KPNA7: variants seen among roughly 807,000 people sequenced by gnomAD.
KPNA7 encodes the protein karyopherin subunit alpha 7, also known as importin subunit alpha-8.
A neutral mutation model predicts 53.7 loss-of-function variants in KPNA7; 54 were observed. The ratio of observed to expected loss-of-function variants is 1.01; its 90% confidence interval spans 0.81 to 1.26. The LOEUF (loss-of-function observed/expected upper bound fraction) is 1.26. Ranked by LOEUF, KPNA7 falls within the 50% of genes most tolerant of loss-of-function variation. KPNA7 has a pLI of 0.00. For missense variants in KPNA7, 640 were observed against 644.5 expected (o/e 0.99, Z 0.07); for synonymous variants, 276 against 259.3 (o/e 1.06, Z -0.62).
In KPNA7 at chr7:99,178,113, G is replaced by C. The variant is rs80171539; in HGVS notation, c.1318-47C>G. 5.7e-3 allele frequency: 8,774 copies of C among 1,528,848 alleles called. 413 individuals are homozygous for C. The African/African-American group carries it at 0.1, about 18-fold the overall frequency. The allele number at this position is 1,528,848 out of a possible 1,614,324, so 94.7% of individuals were successfully genotyped here. A position where few individuals can be genotyped will look rare whatever the true frequency, so the allele number is the denominator to read the frequency against. On this transcript the variant is annotated intron_variant, in intron 9 of 10. Coordinates refer to ENST00000327442, the MANE Select transcript of KPNA7 (RefSeq NM_001145715.3). ...CATGAGACCCCCGGCAGGAGCCTTTGGGGGATAGGGACTCTGTCAGCCCTC... is the reference window on the plus strand; with the variant it reads ...CATGAGACCCCCGGCAGGAGCCTTTCGGGGATAGGGACTCTGTCAGCCCTC...
At chr7:99,157,510 C>T in the KPNA7 span, among the ~76,000 whole-genome samples, 5 of 152,100 alleles carry the variant, frequency 3.3e-5, no homozygotes, top group African/African-American at 4.8e-5. Flanking sequence ...CGCCCAGCCC[C>T]GATTTTCTTC....
chr7:99,214,953 T>C (rs1229067423), intron 1 of KPNA7, among the ~76,000 whole-genome samples: 1 of 152,092 alleles, frequency 6.6e-6, no homozygotes, highest in Non-Finnish European at 1.5e-5. Context: ...AGACTGAGCA[T>C]GCATGAGGAA....
chr7:99,195,370 G>GA, intron 4 of KPNA7, 32 bp from the exon 5 acceptor site: 1 of 1,542,414 alleles, frequency 6.5e-7, no homozygotes, highest in East Asian at 2.5e-5. Flanking sequence ...AGGGGAGGGG[G>GA]AGGTCAAGTG....
chr7:99,199,945 C>G (rs975880591), intron 3 of KPNA7, among the ~76,000 whole-genome samples: 1 of 151,984 alleles, frequency 6.6e-6, no homozygotes, highest in African/African-American at 2.4e-5. Context: ...TGGGGGGACA[C>G]AGTCTCGCTC....
chr7:99,195,518 G>A (rs1790185665), intron 4 of KPNA7, among the ~76,000 whole-genome samples, 180 bp from the exon 5 acceptor site: 1 of 152,112 alleles, frequency 6.6e-6, no homozygotes, highest in African/African-American at 2.4e-5. Context: ...CCAACATGGT[G>A]AAACCCCGTC....
the KPNA7 span, among the ~76,000 whole-genome samples, chr7:99,160,620 A>G: frequency 6.6e-6 from 1 of 152,134 alleles, no homozygotes; most frequent in Non-Finnish European, 1.5e-5. Context: ...TTCCAGTTAT[A>G]GTATTTGTCA....
chr7:99,187,489 A>G (rs2150731088), intron 7 of KPNA7, among the ~76,000 whole-genome samples: 1 of 150,066 alleles, frequency 6.7e-6, no homozygotes, highest in Non-Finnish European at 1.5e-5. Context: ...TCTGGGCTCA[A>G]TAAATTCTCC....
intron 10 of KPNA7, among the ~76,000 whole-genome samples, chr7:99,176,432 T>C (rs891778478): frequency 6.6e-6 from 1 of 151,982 alleles, no homozygotes; most frequent in African/African-American, 2.4e-5. Context: ...ATAACAAGTG[T>C]CGGCAAGGGT....
intron 6 of KPNA7, among the ~76,000 whole-genome samples, chr7:99,191,355 C>T (rs760611875): frequency 1.3e-5 from 2 of 152,064 alleles, no homozygotes; most frequent in East Asian, 1.9e-4. Context: ...GGGGTTTCAC[C>T]GTGTTGGCCA....
At chr7:99,217,448 G>C (rs1361992465) in intron 1 of KPNA7, among the ~76,000 whole-genome samples, 1 of 152,042 alleles carries the variant, frequency 6.6e-6, no homozygotes, top group Non-Finnish European at 1.5e-5. Context: ...TATCTGCCAG[G>C]AAGGAGGGGT....
chr7:99,176,755 T>G (rs1314317050), intron 10 of KPNA7, among the ~76,000 whole-genome samples: 5 of 152,150 alleles, frequency 3.3e-5, no homozygotes, highest in African/African-American at 1.2e-4. Flanking sequence ...GGTGCATGCC[T>G]GTAGTCCCAG....
intron 3 of KPNA7, among the ~76,000 whole-genome samples, chr7:99,201,195 G>A (rs548751969): frequency 1.3e-5 from 2 of 152,110 alleles, no homozygotes; most frequent in African/African-American, 4.8e-5. Context: ...AGACGGTGGG[G>A]GATGAGGAAT....
intron 9 of KPNA7, among the ~76,000 whole-genome samples, chr7:99,181,435 G>A (rs1015618831): frequency 2.0e-5 from 3 of 152,228 alleles, no homozygotes; most frequent in Non-Finnish European, 4.4e-5. Context: ...CTGGCACATA[G>A]ACATTTGTTT....
chr7:99,174,669 GT>G (rs1184224251), intron 10 of KPNA7, among the ~76,000 whole-genome samples: 1 of 152,140 alleles, frequency 6.6e-6, no homozygotes, highest in Non-Finnish European at 1.5e-5. Flanking sequence ...TTTAAATGCA[GT>G]TTTGATAGAC....
chr7:99,212,176 C>A (rs545517822), upstream of KPNA7, among the ~76,000 whole-genome samples: 1 of 150,084 alleles, frequency 6.7e-6, no homozygotes, highest in Non-Finnish European at 1.5e-5. Flanking sequence ...CATTGCAAGA[C>A]AGCCTCAGCA....
At chr7:99,178,764 T>TATTC (rs1491460801) in intron 9 of KPNA7, among the ~76,000 whole-genome samples, 1 of 81,130 alleles carries the variant, frequency 1.2e-5, no homozygotes. Context: ...CCCAAATATC[T>TATTC]TTGTCTCAAA....
chr7:99,148,895 G>GTTT, the KPNA7 span, among the ~76,000 whole-genome samples: 38 of 112,580 alleles, frequency 3.4e-4, no homozygotes, highest in Non-Finnish European at 4.4e-4. Flanking sequence ...CCCAAGAACC[G>GTTT]TTTTTTTTTT....
chr7:99,180,227 C>G lies in KPNA7; in HGVS notation c.1317+1656G>C, dbSNP rs541342519. Among the ~76,000 whole-genome samples, 4 of 152,304 alleles carry G rather than the reference C, an allele frequency of 2.6e-5. No individual in the cohort carries two copies. In the East Asian group the frequency reaches 7.7e-4, roughly 29 times the overall value. On this transcript the variant is annotated intron_variant, in intron 9 of 10. Coordinates refer to ENST00000327442, the MANE Select transcript of KPNA7 (RefSeq NM_001145715.3). ...TCAGAAGCCAATCCTCTTGGCTAGG[C>G]ATGGTGGCTCACACCTGTAATCCTA...
chr7:99,168,615 A>T (rs557201488), downstream of KPNA7, among the ~76,000 whole-genome samples: 3 of 152,060 alleles, frequency 2.0e-5, no homozygotes, highest in Admixed American at 2.0e-4. Context: ...GGCTCAAGTG[A>T]TCCTCCCACC....
Sources: gnomAD v4.1 joint callset for allele counts (sites outside exome capture counted in the v4.1 genomes callset) on GRCh38, gnomAD v4.1.1 for gene constraint, MANE v1.5 for transcripts, NCBI Gene and HGNC (gene_info 2026-07-23, HGNC 2026-07-21) for gene names.